Variants in GOLIM4 observed in about 807,000 individuals in gnomAD.
The protein encoded by GOLIM4 is golgi integral membrane protein 4.
A neutral mutation model predicts 107.4 loss-of-function variants in GOLIM4; 71 were observed. That is an observed-to-expected ratio of 0.66 (90% CI 0.55 to 0.81). The LOEUF (loss-of-function observed/expected upper bound fraction) is 0.81. GOLIM4 is among the 30% of genes least tolerant of loss of function. The pLI is 0.00. For missense variants in GOLIM4, 830 were observed against 826.1 expected, an observed-to-expected ratio of 1.00 and a Z score of -0.06; for synonymous variants, 327 against 294.8, an observed-to-expected ratio of 1.11 and a Z score of -1.12.
At chr3:168,043,274 T>C (rs1301350579) in intron 5 of GOLIM4, 105 bp downstream of exon 5, 4 of 742,806 alleles carry the variant, frequency 5.4e-6, no homozygotes, top group Non-Finnish European at 8.7e-6. Context: ...GACCACATGA[T>C]AAATGTAAAT....
At chr3:168,011,639 T>G (rs1717039951) in intron 14 of GOLIM4, among the ~76,000 whole-genome samples, 1 of 150,986 alleles carries the variant, frequency 6.6e-6, no homozygotes, top group Non-Finnish European at 1.5e-5. Flanking sequence ...GACTTAAATG[T>G]CCCTGTCTGA....
chr3:168,062,241 C>T (rs914773082), intron 1 of GOLIM4, among the ~76,000 whole-genome samples: 3 of 152,122 alleles, frequency 2.0e-5, no homozygotes, highest in Admixed American at 6.6e-5. Context: ...CATCATCACC[C>T]GAGGTAAAGC....
chr3:168,086,795 A>G (rs992983136), intron 1 of GOLIM4, among the ~76,000 whole-genome samples: 1 of 152,202 alleles, frequency 6.6e-6, no homozygotes, highest in African/African-American at 2.4e-5. Flanking sequence ...TCATGGGCCA[A>G]TAAAAACAAA....
intron 14 of GOLIM4, among the ~76,000 whole-genome samples, chr3:168,016,280 C>T (rs1394380313): frequency 2.2e-5 from 3 of 135,056 alleles, no homozygotes; most frequent in Non-Finnish European, 4.4e-5. Flanking sequence ...AGACAAAAAA[C>T]ACATGAAAAA....
At chr3:168,038,610 T>C (rs942500328) in intron 7 of GOLIM4, among the ~76,000 whole-genome samples, 1 of 152,216 alleles carries the variant, frequency 6.6e-6, no homozygotes, top group African/African-American at 2.4e-5. Context: ...TACAATATTA[T>C]ATAACTCACA....
intron 1 of GOLIM4, among the ~76,000 whole-genome samples, chr3:168,063,479 G>T (rs568907230): frequency 2.6e-5 from 4 of 151,938 alleles, no homozygotes; most frequent in Non-Finnish European, 5.9e-5. Context: ...CTTCATACTG[G>T]CTACAGAAAA....
chr3:168,095,192 G>C lies in GOLIM4; in HGVS notation c.94C>G (p.Leu32Val). The C allele has an allele frequency of 1.2e-6, 2 of 1,613,808 alleles. No homozygotes were observed. Among genetic ancestry groups the C allele is most frequent in the Non-Finnish European group, 1.7e-6 (2 of 1,179,970 alleles). Residue 32 changes from leucine to valine, a missense_variant, in exon 1 of 16, where the codon CTC becomes GTC. Coordinates refer to ENST00000470487, the MANE Select transcript of GOLIM4 (RefSeq NM_014498.5). ...AGCTGCGTCTGCAGCTCGTAGTAGA[G>C]CATCGCGCCGTAGAGAAAGCCGAAC... ...VVFGFLYGAM[L>V]YYELQTQLRK...
chr3:168,020,621 A>C (rs1717623697), intron 14 of GOLIM4, among the ~76,000 whole-genome samples: 1 of 152,214 alleles, frequency 6.6e-6, no homozygotes, highest in African/African-American at 2.4e-5. Context: ...TAGAAAATTT[A>C]GCTTGTTTAC....
At chr3:168,094,818 T>TA (rs1226853176) in intron 1 of GOLIM4, among the ~76,000 whole-genome samples, 1 of 152,112 alleles carries the variant, frequency 6.6e-6, no homozygotes, top group African/African-American at 2.4e-5. Flanking sequence ...AGAGCTCGGG[T>TA]AAAGGACTAT....
At chr3:168,028,594 T>G (rs887602296) in intron 11 of GOLIM4, among the ~76,000 whole-genome samples, 2 of 152,234 alleles carry the variant, frequency 1.3e-5, no homozygotes, top group Non-Finnish European at 2.9e-5. Context: ...TTCTCTAGTC[T>G]TACTGATATG....
rs752636467 is a variant in GOLIM4 at position 168,029,328 on chromosome 3, T to TCCC, written c.1434-27_1434-26insGGG. On this transcript the variant is annotated intron_variant, in intron 10 of 15. Coordinates refer to ENST00000470487, the MANE Select transcript of GOLIM4 (RefSeq NM_014498.5). ...CTACAAGAGACACAAACATGATAAA[T>TCCC]CCAGTGGGACAAAATTCAGAGGCAC... 2.1e-6 allele frequency: 3 copies of TCCC among 1,458,424 alleles called. No homozygotes were observed. In the African/African-American group the frequency reaches 4.2e-5, roughly 20 times the overall value. The allele number at this position is 1,458,424 out of a possible 1,614,324, so 90.3% of individuals were successfully genotyped here.
chr3:168,027,756 CG>C lies in GOLIM4; in HGVS notation c.1594del (p.Arg532GlufsTer14). 6.2e-7 allele frequency: 1 copy of C among 1,611,752 alleles called. No individual in the cohort carries two copies. The highest frequency in any genetic ancestry group is 8.5e-7 in the Non-Finnish European group (1 of 1,177,918). Reference protein sequence around the residue: ...NRHEPREQGPREADPESEADR... With the variant: ...NRHEPREQGPXEADPESEADR... The stretch of plus-strand genomic sequence containing the variant: ...TGCCTCAGATTCTGGGTCGGCTTCT[CG>C]GGGTCCTTGTTCACGAGGCTCATGT... On this transcript the variant is annotated frameshift_variant, in exon 12 of 16. Coordinates refer to ENST00000470487, the MANE Select transcript of GOLIM4 (RefSeq NM_014498.5). LOFTEE classifies it high-confidence loss of function.
chr3:168,087,923 A>G (rs1721709364), intron 1 of GOLIM4, among the ~76,000 whole-genome samples: 1 of 152,208 alleles, frequency 6.6e-6, no homozygotes. Flanking sequence ...TAATTTTCTC[A>G]AATAAGTTTT....
chr3:168,084,273 A>G (rs1159226743), intron 1 of GOLIM4, among the ~76,000 whole-genome samples: 1 of 152,078 alleles, frequency 6.6e-6, no homozygotes, highest in South Asian at 2.1e-4. Flanking sequence ...CATGCTTCCT[A>G]TATAGCCTGT....
intron 14 of GOLIM4, among the ~76,000 whole-genome samples, chr3:168,012,890 C>T (rs1281875876): frequency 2.6e-5 from 4 of 151,546 alleles, no homozygotes; most frequent in African/African-American, 9.8e-5. Context: ...CTAAAGGAAG[C>T]GCTAAACATG....
intron 1 of GOLIM4, among the ~76,000 whole-genome samples, chr3:168,093,938 C>T (rs1379021048): frequency 3.3e-5 from 5 of 152,222 alleles, no homozygotes; most frequent in Non-Finnish European, 7.3e-5. Context: ...CATATCTGCA[C>T]ACACATACAC....
chr3:168,085,964 A>T (rs559776185), intron 1 of GOLIM4, among the ~76,000 whole-genome samples: 1 of 152,134 alleles, frequency 6.6e-6, no homozygotes, highest in Non-Finnish European at 1.5e-5. Context: ...TTATAGTTAA[A>T]GATTGTATGG....
chr3:168,083,748 CAAT>C (rs1242373032), intron 1 of GOLIM4, among the ~76,000 whole-genome samples: 2 of 152,242 alleles, frequency 1.3e-5, no homozygotes, highest in African/African-American at 4.8e-5. Flanking sequence ...CCAACAATGA[CAAT>C]AATAATACTC....
chr3:168,075,286 G>GTTTTTTTTTT (rs374374393), intron 1 of GOLIM4, among the ~76,000 whole-genome samples: 1 of 94,224 alleles, frequency 1.1e-5, no homozygotes, highest in Non-Finnish European at 2.1e-5. Context: ...ACATTCACTA[G>GTTTTTTTTTT]TTTTTTTTTT....
Sources: gnomAD v4.1 joint callset for allele counts (sites outside exome capture counted in the v4.1 genomes callset) on GRCh38, gnomAD v4.1.1 for gene constraint, MANE v1.5 for transcripts, NCBI Gene and HGNC (gene_info 2026-07-23, HGNC 2026-07-21) for gene names.